PRELID2: variants seen among roughly 807,000 people sequenced by gnomAD.
The protein encoded by PRELID2 is PRELI domain containing 2.
PRELID2 carries 25 observed loss-of-function variants against 28.4 expected under a neutral mutation model. The ratio of observed to expected loss-of-function variants is 0.88; its 90% CI spans 0.64 to 1.23. PRELID2 has a LOEUF of 1.23. Among genes scored for constraint, PRELID2 ranks in the 50% most tolerant of loss-of-function variants. The pLI is 0.00. For missense variants in PRELID2, 201 were observed against 214.4 expected, an observed-to-expected ratio of 0.94 and a Z score of 0.39; for synonymous variants, 76 against 71.6, an observed-to-expected ratio of 1.06 and a Z score of -0.31.
the PRELID2 span, among the ~76,000 whole-genome samples, chr5:145,423,162 C>T: frequency 2.0e-5 from 3 of 151,974 alleles, no homozygotes; most frequent in Admixed American, 6.6e-5. Context: ...TCTGGCTGCC[C>T]TTAACATTTT....
At chr5:145,544,610 G>A (rs1752770566) in intron 1 of PRELID2, among the ~76,000 whole-genome samples, 2 of 152,064 alleles carry the variant, frequency 1.3e-5, no homozygotes, top group Non-Finnish European at 2.9e-5. Flanking sequence ...GTGTCTGAGG[G>A]ACCAGCTGGC....
the PRELID2 span, among the ~76,000 whole-genome samples, chr5:145,431,210 T>A: frequency 2.6e-5 from 4 of 151,922 alleles, no homozygotes; most frequent in African/African-American, 9.7e-5. Context: ...CCACTCCCAA[T>A]CACTAGTCTT....
At chr5:145,412,718 A>G in the PRELID2 span, among the ~76,000 whole-genome samples, 1 of 152,200 alleles carries the variant, frequency 6.6e-6, no homozygotes, top group African/African-American at 2.4e-5. Context: ...GTACCAATTT[A>G]CTGCATTAGT....
chr5:145,326,504 A>G, the PRELID2 span, among the ~76,000 whole-genome samples: 17 of 152,218 alleles, frequency 1.1e-4, no homozygotes, highest in Non-Finnish European at 1.5e-5. Flanking sequence ...GAATTACTAT[A>G]AAGCCATTGT....
chr5:145,344,219 C>T, the PRELID2 span, among the ~76,000 whole-genome samples: 3 of 151,872 alleles, frequency 2.0e-5, no homozygotes, highest in East Asian at 1.9e-4. Flanking sequence ...AATTATAGGC[C>T]AATATCCCTG....
the PRELID2 span, among the ~76,000 whole-genome samples, chr5:145,268,829 G>C: frequency 1.3e-5 from 2 of 151,926 alleles, no homozygotes. Flanking sequence ...AGGTCAATGA[G>C]TAAATTGAAG....
At chr5:145,248,190 A>G in the PRELID2 span, among the ~76,000 whole-genome samples, 3 of 152,082 alleles carry the variant, frequency 2.0e-5, no homozygotes, top group Non-Finnish European at 4.4e-5. Context: ...CAAAATTCCT[A>G]TATTTTCATT....
chr5:145,269,396 TAA>T, the PRELID2 span, among the ~76,000 whole-genome samples: 30 of 151,960 alleles, frequency 2.0e-4, no homozygotes, highest in Non-Finnish European at 4.4e-4. Flanking sequence ...AATTGTGAAA[TAA>T]AAGTCTTTCC....
At chr5:145,541,270 A>C (rs1039896717) in intron 1 of PRELID2, among the ~76,000 whole-genome samples, 1 of 152,124 alleles carries the variant, frequency 6.6e-6, no homozygotes, top group Non-Finnish European at 1.5e-5. Flanking sequence ...CAACTAATAT[A>C]TATAGTTTAG....
At chr5:145,792,579 T>G (rs558048910) in intron 5 of PRELID2, among the ~76,000 whole-genome samples, 1 of 152,322 alleles carries the variant, frequency 6.6e-6, no homozygotes, top group East Asian at 1.9e-4. Context: ...ACAGTCTCTA[T>G]CTTGTGAATT....
At chr5:145,639,476 A>C (rs1754058575) in intron 1 of PRELID2, among the ~76,000 whole-genome samples, 1 of 152,186 alleles carries the variant, frequency 6.6e-6, no homozygotes, top group African/African-American at 2.4e-5. Flanking sequence ...AACTGTCTCA[A>C]ACATTTAGAG....
chr5:145,272,221 G>C, the PRELID2 span, among the ~76,000 whole-genome samples: 7 of 152,126 alleles, frequency 4.6e-5, no homozygotes, highest in Non-Finnish European at 8.8e-5. Flanking sequence ...TGATTATACT[G>C]AGAAGATTAA....
At chr5:145,724,616 T>A (rs969774928) in intron 1 of PRELID2, among the ~76,000 whole-genome samples, 1,705 of 65,664 alleles carry the variant, frequency 0.026, 129 homozygotes, top group African/African-American at 0.1. Flanking sequence ...TATATATATA[T>A]ATATATATAT....
the PRELID2 span, among the ~76,000 whole-genome samples, chr5:145,309,580 T>A: frequency 3.3e-5 from 5 of 152,176 alleles, no homozygotes; most frequent in Non-Finnish European, 7.4e-5. Flanking sequence ...AATAAAATAA[T>A]CAAAAATTCC....
chr5:145,229,473 C>A, the PRELID2 span: 1 of 967,328 alleles, frequency 1.0e-6, no homozygotes, highest in Non-Finnish European at 1.6e-6. Context: ...GCCCCCAACA[C>A]CCCTGACATT....
At chr5:145,683,989 G>A (rs1274432525) in intron 1 of PRELID2, among the ~76,000 whole-genome samples, 1 of 152,086 alleles carries the variant, frequency 6.6e-6, no homozygotes, top group Non-Finnish European at 1.5e-5. Context: ...TTTCTAGAGG[G>A]GAGATTCCAG....
chr5:145,317,154 C>G, the PRELID2 span, among the ~76,000 whole-genome samples: 1 of 152,250 alleles, frequency 6.6e-6, no homozygotes, highest in Non-Finnish European at 1.5e-5. Context: ...TTGTGTTTGT[C>G]CAGTTTAATA....
chr5:145,483,952 T>C (rs1358880223), intron 1 of PRELID2, among the ~76,000 whole-genome samples: 1 of 152,204 alleles, frequency 6.6e-6, no homozygotes, highest in Non-Finnish European at 1.5e-5. Context: ...ATATAATAAC[T>C]CTTCAGTAAA....
At chr5:145,604,429 G>A (rs1753466246) in intron 1 of PRELID2, among the ~76,000 whole-genome samples, 1 of 152,092 alleles carries the variant, frequency 6.6e-6, no homozygotes, top group Admixed American at 6.6e-5. Flanking sequence ...TCTTATGGCT[G>A]TGTAGTATTT....
Sources: gnomAD v4.1 joint callset for allele counts (sites outside exome capture counted in the v4.1 genomes callset) on GRCh38, gnomAD v4.1.1 for gene constraint, MANE v1.5 for transcripts, NCBI Gene and HGNC (gene_info 2026-07-23, HGNC 2026-07-21) for gene names.